The following ZBTB7C variants were observed in gnomAD, a reference collection of about 807,000 sequenced individuals.
ZBTB7C encodes zinc finger and BTB domain-containing protein 7C.
Under a neutral mutation model 25.7 loss-of-function variants are expected in ZBTB7C, and 8 were observed. The ratio of observed to expected loss-of-function variants is 0.31; its 90% confidence interval spans 0.18 to 0.56. The LOEUF (loss-of-function observed/expected upper bound fraction) is 0.56, where lower values mean the gene tolerates loss of function less well. Ranked by LOEUF, ZBTB7C falls within the 20% of genes least tolerant of loss-of-function variation. The pLI, the probability that ZBTB7C is intolerant of heterozygous loss-of-function variation, is 0.91. For synonymous variants in ZBTB7C, 394 were observed against 369.0 expected, an observed-to-expected ratio of 1.07 and a Z score of -0.78; for missense variants, 824 against 855.2, an observed-to-expected ratio of 0.96 and a Z score of 0.46.
chr18:48,362,895 G>C (rs995060147), intron 1 of ZBTB7C, among the ~76,000 whole-genome samples: 2 of 152,178 alleles, frequency 1.3e-5, no homozygotes, highest in African/African-American at 4.8e-5. Context: ...AACCTAAGCT[G>C]TGCCAAGAAG....
chr18:48,124,855 CCTCT>C (rs1175738488), intron 3 of ZBTB7C, among the ~76,000 whole-genome samples: 1 of 152,134 alleles, frequency 6.6e-6, no homozygotes, highest in Non-Finnish European at 1.5e-5. Flanking sequence ...GCAGTTTTCC[CCTCT>C]CTCCACCTCT....
intron 2 of ZBTB7C, among the ~76,000 whole-genome samples, chr18:48,308,057 C>T (rs559418939): frequency 1.3e-4 from 20 of 152,250 alleles, no homozygotes; most frequent in Non-Finnish European, 2.2e-4. Flanking sequence ...CTAAGTTGGA[C>T]TTTTGTATAC....
intron 3 of ZBTB7C, among the ~76,000 whole-genome samples, chr18:48,077,735 C>T (rs2144453983): frequency 6.6e-6 from 1 of 152,278 alleles, no homozygotes; most frequent in East Asian, 1.9e-4. Context: ...CCTGGGTCAC[C>T]TCGTCCTCAC....
chr18:48,118,099 C>A (rs547932469), intron 3 of ZBTB7C, among the ~76,000 whole-genome samples: 27 of 151,654 alleles, frequency 1.8e-4, no homozygotes, highest in African/African-American at 6.5e-4. Flanking sequence ...TCCACCTCCC[C>A]GGTTCAAGCG....
At chr18:48,229,707 T>A (rs560758756) in intron 2 of ZBTB7C, among the ~76,000 whole-genome samples, 1 of 152,326 alleles carries the variant, frequency 6.6e-6, no homozygotes, top group South Asian at 2.1e-4. Context: ...TGAGGAATAA[T>A]CAGCTCTGTT....
intron 1 of ZBTB7C, among the ~76,000 whole-genome samples, chr18:48,356,313 A>G (rs2046977022): frequency 6.6e-6 from 1 of 152,166 alleles, no homozygotes; most frequent in South Asian, 2.1e-4. Flanking sequence ...GTTGCCAGCC[A>G]ACAGCGCAGA....
At chr18:48,363,691 G>A (rs1488644172) in intron 1 of ZBTB7C, among the ~76,000 whole-genome samples, 1 of 152,150 alleles carries the variant, frequency 6.6e-6, no homozygotes, top group Non-Finnish European at 1.5e-5. Flanking sequence ...GAGATGGAGG[G>A]AGGTTAGGGA....
At chr18:48,367,998 A>T (rs1396965269) in intron 1 of ZBTB7C, among the ~76,000 whole-genome samples, 1 of 152,108 alleles carries the variant, frequency 6.6e-6, no homozygotes, top group East Asian at 1.9e-4. Flanking sequence ...AGCAGGTTTA[A>T]GTACAGTACA....
At chr18:48,127,652 G>T (rs529254802) in intron 3 of ZBTB7C, among the ~76,000 whole-genome samples, 1 of 152,212 alleles carries the variant, frequency 6.6e-6, no homozygotes, top group East Asian at 1.9e-4. Context: ...TTCTCCCCAC[G>T]TGAGGCTCAC....
At chr18:48,266,187 A>G (rs2044308183) in intron 2 of ZBTB7C, among the ~76,000 whole-genome samples, 1 of 152,212 alleles carries the variant, frequency 6.6e-6, no homozygotes. Flanking sequence ...GCTAATGCTT[A>G]GAGAGGTTTA....
chr18:48,360,451 G>A (rs139545859), intron 1 of ZBTB7C, among the ~76,000 whole-genome samples: 149 of 152,322 alleles, frequency 9.8e-4, no homozygotes, highest in Non-Finnish European at 1.8e-3. Flanking sequence ...GACATGCCAC[G>A]ACAGATTTGA....
At chr18:48,047,501 T>C (rs987899951) in intron 3 of ZBTB7C, among the ~76,000 whole-genome samples, 50 of 152,050 alleles carry the variant, frequency 3.3e-4, no homozygotes, top group African/African-American at 1.1e-3. Context: ...AGCTCAGAAA[T>C]GGAAGAAAGA....
intron 1 of ZBTB7C, among the ~76,000 whole-genome samples, chr18:48,387,514 G>A (rs2047776919): frequency 6.6e-6 from 1 of 152,210 alleles, no homozygotes; most frequent in South Asian, 2.1e-4. Context: ...ACAGCTAGCT[G>A]CCTCCTACCA....
At chr18:48,070,636 A>G (rs770022886) in intron 3 of ZBTB7C, among the ~76,000 whole-genome samples, 7 of 152,026 alleles carry the variant, frequency 4.6e-5, no homozygotes, top group Non-Finnish European at 1.0e-4. Flanking sequence ...TTGCATCCAC[A>G]CTCCCCATTC....
intron 4 of ZBTB7C, among the ~76,000 whole-genome samples, chr18:48,033,315 T>C (rs555221132): frequency 7.2e-5 from 11 of 152,304 alleles, no homozygotes; most frequent in South Asian, 2.1e-4. Context: ...GCTACCTGGC[T>C]GTGGTTTGTT....
chr18:48,110,253 C>T (rs1335051190), intron 3 of ZBTB7C, among the ~76,000 whole-genome samples: 1 of 152,166 alleles, frequency 6.6e-6, no homozygotes, highest in African/African-American at 2.4e-5. Flanking sequence ...GAGGGTGGCA[C>T]ACCCTCAGTA....
chr18:48,379,726 T>C (rs1473738930), intron 1 of ZBTB7C, among the ~76,000 whole-genome samples: 1 of 152,032 alleles, frequency 6.6e-6, no homozygotes, highest in African/African-American at 2.4e-5. Context: ...AATACACACA[T>C]CTGAAAAAAG....
intron 2 of ZBTB7C, among the ~76,000 whole-genome samples, chr18:48,323,685 T>C (rs73435237): frequency 0.012 from 1,903 of 152,316 alleles, 46 homozygotes; most frequent in African/African-American, 0.044. Flanking sequence ...TGCTCATACC[T>C]TCCTTCACCC....
At chr18:48,162,464 T>C (rs947717220) in intron 3 of ZBTB7C, 2 of 450,754 alleles carry the variant, frequency 4.4e-6, no homozygotes, top group Admixed American at 4.7e-5. Context: ...TGGCACATAA[T>C]AGGGACTTCA....
Sources: gnomAD v4.1 joint callset for allele counts (sites outside exome capture counted in the v4.1 genomes callset) on GRCh38, gnomAD v4.1.1 for gene constraint, MANE v1.5 for transcripts, NCBI Gene and HGNC (gene_info 2026-07-23, HGNC 2026-07-21) for gene names.